The following UGT2B17 variants were observed in gnomAD, a reference collection of about 807,000 sequenced individuals.
UGT2B17 encodes UDP glucuronosyltransferase family 2 member B17, also known as UDP-glucuronosyltransferase 2B17.
Under a neutral mutation model 48.2 loss-of-function variants are expected in UGT2B17, and 21 were observed. The ratio of observed to expected loss-of-function variants is 0.44; its 90% CI spans 0.31 to 0.63. UGT2B17 has a LOEUF of 0.63. Ranked by LOEUF, UGT2B17 falls within the 20% of genes least tolerant of loss-of-function variation. UGT2B17 has a pLI of 0.08. For synonymous variants in UGT2B17, 146 were observed against 238.4 expected (o/e 0.61, Z 3.57); for missense variants, 402 against 696.1 (o/e 0.58, Z 4.75).
At chr4:68,562,365 G>A (rs563166724) in intron 3 of UGT2B17, among the ~76,000 whole-genome samples, 2 of 125,112 alleles carry the variant, frequency 1.6e-5, no homozygotes, top group South Asian at 3.8e-4. Flanking sequence ...CACCTGCCTC[G>A]GCCTCCCAAA....
In UGT2B17 at chr4:68,539,405, T is replaced by C. The variant is rs1007352369; in HGVS notation, c.1314-1501A>G. ...TCAGTTGATTGACAAAGACCACAGA[T>C]CTCTTCATTTATGATTAATGGATAT... On this transcript the variant is annotated intron_variant, in intron 6 of 6. Transcript: ENST00000317746. 9.5e-5 allele frequency among the ~76,000 whole-genome samples: 12 copies of C among 125,682 alleles called. 3 individuals carry two copies. The highest frequency in any genetic ancestry group is 3.3e-4 in the African/African-American group (12 of 36,906). The allele number at this position is 125,682 out of a possible 152,430, so 82.5% of individuals were successfully genotyped here.
Position 68,562,715 on chromosome 4 carries a change from C to G in UGT2B17, c.874-2047G>C, listed in dbSNP as rs981234806. 3.2e-5 allele frequency among the ~76,000 whole-genome samples: 4 copies of G among 125,816 alleles called. 1 individual carries two copies. Among genetic ancestry groups the G allele is most frequent in the Non-Finnish European group, 5.0e-5 (3 of 59,478 alleles). 82.5% of individuals were successfully genotyped at this position (125,816 alleles called of 152,430 possible). ...AAAATTTAGGAAAAAAATCATTTTT[C>G]CCATATCTCTATCTCAATTTAAAAT... On this transcript the variant is annotated intron_variant, in intron 3 of 6. Coordinates refer to ENST00000317746, the MANE Select transcript of UGT2B17 (RefSeq NM_001077.4).
At position 68,537,976 on chromosome 4, in the gene UGT2B17, G is replaced by A; in HGVS notation, c.1314-72C>T. The A allele has an allele frequency of 1.8e-6, 2 of 1,092,754 alleles. 1 individual carries two copies. The highest frequency in any genetic ancestry group is 2.3e-6 in the Non-Finnish European group (2 of 851,628). 67.7% of individuals were successfully genotyped at this position (1,092,754 alleles called of 1,614,324 possible). On this transcript the variant is annotated intron_variant, in intron 6 of 6. Transcript: ENST00000317746. Reference sequence around the variant, plus strand: ...CTTAAGCATATCAAGTCTATGGATGGTCTTTGAAAAGCGCCACACAAGTGA... The same window carrying A: ...CTTAAGCATATCAAGTCTATGGATGATCTTTGAAAAGCGCCACACAAGTGA...
At position 68,572,489 on chromosome 4, in the gene UGT2B17, G is replaced by A. The variant is rs1267654871; in HGVS notation, c.-65+3462C>T. 8.8e-5 allele frequency among the ~76,000 whole-genome samples: 11 copies of A among 125,670 alleles called. 3 individuals are homozygous for A. In the East Asian group the frequency reaches 6.1e-3, roughly 70 times the overall value. 82.4% of individuals were successfully genotyped at this position (125,670 alleles called of 152,430 possible). A position where few individuals can be genotyped will look rare whatever the true frequency, so the allele number is the denominator to read the frequency against. On this transcript the variant is annotated intron_variant, in intron 1 of 6. Transcript: ENST00000317746. ...GCTATTTAATTTTTTTAGAGTCCTC[G>A]GGCGTCCGTGATATTAGTGTTAGTC...
intron 6 of UGT2B17, among the ~76,000 whole-genome samples, chr4:68,544,694 A>C (rs1291217117): frequency 7.9e-6 from 1 of 126,206 alleles, no homozygotes; most frequent in Non-Finnish European, 1.7e-5. Flanking sequence ...TGTATTCAGG[A>C]AACCCATCTC....
Position 68,568,993 on chromosome 4 carries a change from C to T in UGT2B17, c.-64-445G>A, listed in dbSNP as rs1274127003. The stretch of plus-strand genomic sequence containing the variant: ...ATACAATAGCCTCTAACCCCCCACT[C>T]TGAAATTTTGCATCCATCCTACCCT... On this transcript the variant is annotated intron_variant, in intron 1 of 6. Transcript: ENST00000317746. Among the ~76,000 whole-genome samples, 8 of 137,720 alleles carry T rather than the reference C, an allele frequency of 5.8e-5. 1 individual carries two copies. Among genetic ancestry groups the T allele is most frequent in the Non-Finnish European group, 1.6e-5 (1 of 63,260 alleles). 90.3% of individuals were successfully genotyped at this position (137,720 alleles called of 152,430 possible).
intron 6 of UGT2B17, among the ~76,000 whole-genome samples, chr4:68,549,892 T>C (rs1730884976): frequency 8.0e-6 from 1 of 125,586 alleles, no homozygotes; most frequent in Admixed American, 8.2e-5. Flanking sequence ...GTCCATGCCC[T>C]GATAAATGGG....
chr4:68,549,561 C>G (rs1201783388), intron 6 of UGT2B17, among the ~76,000 whole-genome samples: 1 of 125,054 alleles, frequency 8.0e-6, no homozygotes, highest in Non-Finnish European at 1.7e-5. Context: ...GGGTTAACAT[C>G]TTCAGCCATA....
At chr4:68,562,945 A>G (rs1196824475) in intron 3 of UGT2B17, among the ~76,000 whole-genome samples, 1 of 126,214 alleles carries the variant, frequency 7.9e-6, no homozygotes, top group Non-Finnish European at 1.7e-5. Context: ...TTTTGAAAAA[A>G]TGGATTGTAA....
chr4:68,567,415 T>C (rs1171433697), intron 2 of UGT2B17, among the ~76,000 whole-genome samples: 1 of 126,824 alleles, frequency 7.9e-6, no homozygotes, highest in Non-Finnish European at 1.7e-5. Context: ...AAATATAAAA[T>C]TTGTATGTCT....
intron 6 of UGT2B17, among the ~76,000 whole-genome samples, chr4:68,549,969 C>T (rs1171902972): frequency 8.0e-6 from 1 of 124,996 alleles, no homozygotes; most frequent in African/African-American, 2.7e-5. Context: ...CTGATACATC[C>T]AACAACATAA....
At chr4:68,559,868 T>C (rs1261292882) in intron 4 of UGT2B17, among the ~76,000 whole-genome samples, 17 of 125,390 alleles carry the variant, frequency 1.4e-4, no homozygotes, top group African/African-American at 3.8e-4. Flanking sequence ...ATCCTTTCCA[T>C]TACATTTTTC....
chr4:68,571,117 C>A (rs1731291466), intron 1 of UGT2B17, among the ~76,000 whole-genome samples: 1 of 125,184 alleles, frequency 8.0e-6, no homozygotes, highest in Non-Finnish European at 1.7e-5. Context: ...TTCGGTTGAG[C>A]ATGTAGATGG....
In UGT2B17 at chr4:68,572,505, A is replaced by C. The variant is rs1306644191; in HGVS notation, c.-65+3446T>G. Among the ~76,000 whole-genome samples, 2 of 126,286 alleles carry C rather than the reference A, an allele frequency of 1.6e-5. 1 individual carries two copies. The highest frequency in any genetic ancestry group is 3.4e-5 in the Non-Finnish European group (2 of 59,690). The allele number at this position is 126,286 out of a possible 152,430, so 82.8% of individuals were successfully genotyped here. A position where few individuals can be genotyped will look rare whatever the true frequency, so the allele number is the denominator to read the frequency against. On this transcript the variant is annotated intron_variant, in intron 1 of 6. Coordinates refer to ENST00000317746, the MANE Select transcript of UGT2B17 (RefSeq NM_001077.4). ...AGAGTCCTCGGGCGTCCGTGATATT[A>C]GTGTTAGTCAGTTTTGTTGTGAGTG... is the stretch of plus-strand genomic sequence containing the variant.
Position 68,547,353 on chromosome 4 carries a change from A to G in UGT2B17, c.1313+3324T>C, listed in dbSNP as rs368147988. Among the ~76,000 whole-genome samples, 117 of 126,318 alleles carry G rather than the reference A, an allele frequency of 9.3e-4. 17 individuals carry two copies. The highest frequency in any genetic ancestry group is 3.0e-3 in the African/African-American group (113 of 37,108). 82.9% of individuals were successfully genotyped at this position (126,318 alleles called of 152,430 possible). A position where few individuals can be genotyped will look rare whatever the true frequency, so the allele number is the denominator to read the frequency against. ...GATTCCCTATTTAATAAATGGTGCT[A>G]GGAAAACTGGCTAGCCATATGTAGA... On this transcript the variant is annotated intron_variant, in intron 6 of 6. Coordinates refer to ENST00000317746, the MANE Select transcript of UGT2B17 (RefSeq NM_001077.4).
chr4:68,546,264 G>C (rs2109762211), intron 6 of UGT2B17, among the ~76,000 whole-genome samples: 1 of 126,424 alleles, frequency 7.9e-6, no homozygotes, highest in Non-Finnish European at 1.7e-5. Context: ...TGCAAGGCTA[G>C]TTCAACGTAC....
chr4:68,550,682 G>C lies in UGT2B17; in HGVS notation c.1308C>G (p.Asp436Glu). 7.3e-7 allele frequency: 1 copy of C among 1,374,876 alleles called. No homozygotes were observed. Among genetic ancestry groups the C allele is most frequent in the Non-Finnish European group, 9.5e-7 (1 of 1,052,326 alleles). 85.2% of individuals were successfully genotyped at this position (1,374,876 alleles called of 1,614,324 possible). A position where few individuals can be genotyped will look rare whatever the true frequency, so the allele number is the denominator to read the frequency against. Residue 436 changes from aspartate to glutamate, a missense_variant, in exon 6 of 7, where the codon GAC becomes GAG. Asp to Glu is a conservative substitution (Grantham distance 45). Around this residue, in one of 5 missense-constraint regions of UGT2B17, gnomAD observed 156 missense variants for 258.6 expected, o/e 0.60. Coordinates refer to ENST00000317746, the MANE Select transcript of UGT2B17 (RefSeq NM_001077.4). The stretch of plus-strand genomic sequence containing the variant: ...CACAAAATTGTAATACTCACATAGG[G>C]TCATTAATGACTGACTTCAATGCAT... The part of the protein sequence containing the change: ...LLNALKSVIN[D>E]PIYKENIMKL...
At chr4:68,562,491 G>T (rs1203805142) in intron 3 of UGT2B17, among the ~76,000 whole-genome samples, 1 of 125,876 alleles carries the variant, frequency 7.9e-6, no homozygotes, top group Admixed American at 8.2e-5. Context: ...CAGTGTAATT[G>T]CAGTTGCCTG....
In UGT2B17 at chr4:68,540,562, T is replaced by A. The variant is rs1469731225; in HGVS notation, c.1314-2658A>T. 1.6e-5 allele frequency among the ~76,000 whole-genome samples: 2 copies of A among 127,044 alleles called. 1 individual carries two copies. The highest frequency in any genetic ancestry group is 5.4e-5 in the African/African-American group (2 of 37,246). 83.3% of individuals were successfully genotyped at this position (127,044 alleles called of 152,430 possible). On this transcript the variant is annotated intron_variant, in intron 6 of 6. Transcript: ENST00000317746. ...GTATGGTCTCGATCTCTTGACCTCG[T>A]GATCTGCCCTCCTCAGCCACCCAAA... is the stretch of plus-strand genomic sequence containing the variant.
Sources: allele counts gnomAD v4.1 joint callset (sites outside exome capture counted in the v4.1 genomes callset), GRCh38; gene constraint gnomAD v4.1.1; regional missense constraint gnomAD v4.1.1; transcripts MANE v1.5; gene names NCBI Gene and HGNC (gene_info 2026-07-23, HGNC 2026-07-21).